COQ3: variants seen among roughly 807,000 people sequenced by gnomAD.
The protein encoded by COQ3 is coenzyme Q3, methyltransferase, also known as ubiquinone biosynthesis O-methyltransferase, mitochondrial.
Under a neutral mutation model 33.1 loss-of-function variants are expected in COQ3, and 29 were observed. That is an observed-to-expected ratio of 0.88 (90% CI 0.65 to 1.19). The LOEUF (loss-of-function observed/expected upper bound fraction) is 1.19, where lower values mean the gene tolerates loss of function less well. COQ3 is among the 50% of genes most tolerant of loss of function. The pLI, the probability that COQ3 is intolerant of heterozygous loss-of-function variation, is 0.00. For missense variants in COQ3, 437 were observed against 430.7 expected (o/e 1.01, Z -0.13); for synonymous variants, 173 against 157.8 (o/e 1.10, Z -0.72).
At chr6:99,385,525 T>A (rs1242910225) in intron 1 of COQ3, among the ~76,000 whole-genome samples, 2 of 152,134 alleles carry the variant, frequency 1.3e-5, no homozygotes, top group Admixed American at 1.3e-4. Flanking sequence ...AACAACACAC[T>A]TCTAAACAAT....
chr6:99,381,384 T>C (rs1307178314), intron 2 of COQ3, among the ~76,000 whole-genome samples: 2 of 152,208 alleles, frequency 1.3e-5, no homozygotes, highest in African/African-American at 4.8e-5. Flanking sequence ...TTCTGAATTA[T>C]TTAGTTCCCA....
intron 1 of COQ3, among the ~76,000 whole-genome samples, chr6:99,393,217 A>T (rs1192737519): frequency 6.6e-6 from 1 of 150,716 alleles, no homozygotes; most frequent in African/African-American, 2.4e-5. Flanking sequence ...GGCTCCTTCC[A>T]GGAAACAATG....
At chr6:99,370,505 C>T (rs550227097) in intron 6 of COQ3, among the ~76,000 whole-genome samples, 9 of 151,872 alleles carry the variant, frequency 5.9e-5, no homozygotes, top group Non-Finnish European at 1.3e-4. Flanking sequence ...TGCACCACCA[C>T]ACCCGGCTAA....
intron 3 of COQ3, among the ~76,000 whole-genome samples, chr6:99,378,506 G>A (rs1214875410): frequency 6.6e-6 from 1 of 152,070 alleles, no homozygotes; most frequent in Admixed American, 6.6e-5. Context: ...TATTATGTGT[G>A]ATCTCTAGTT....
Position 99,394,064 on chromosome 6 carries a change from A to G in COQ3, c.106+10T>C. On this transcript the variant is annotated intron_variant, in intron 1 of 6. Transcript: ENST00000254759. The stretch of plus-strand genomic sequence containing the variant: ...GACTGCATGCGAAGGACCTCCGCAC[A>G]CACACTCACCCGCCGAGGAAATTAA... 1 of 1,608,204 alleles carries G rather than the reference A, an allele frequency of 6.2e-7. No individual in the cohort carries two copies. Among genetic ancestry groups the G allele is most frequent in the East Asian group, 2.2e-5 (1 of 44,810 alleles).
At chr6:99,391,148 G>A (rs1774817310) in intron 1 of COQ3, among the ~76,000 whole-genome samples, 2 of 151,630 alleles carry the variant, frequency 1.3e-5, no homozygotes, top group African/African-American at 2.4e-5. Flanking sequence ...GCCCAGGCTG[G>A]AGTGCAGTGG....
intron 3 of COQ3, among the ~76,000 whole-genome samples, chr6:99,378,514 G>T (rs9494267): frequency 0.025 from 3,818 of 152,152 alleles, 185 homozygotes; most frequent in African/African-American, 0.088. Flanking sequence ...GTGATCTCTA[G>T]TTAAAGGTGT....
chr6:99,374,411 T>C (rs1262633339), intron 5 of COQ3, among the ~76,000 whole-genome samples: 1 of 152,076 alleles, frequency 6.6e-6, no homozygotes, highest in Non-Finnish European at 1.5e-5. Context: ...TGATGTGAGA[T>C]GTTAACCTAA....
At chr6:99,376,841 T>C (rs1774297331) in intron 4 of COQ3, among the ~76,000 whole-genome samples, 1 of 151,918 alleles carries the variant, frequency 6.6e-6, no homozygotes, top group African/African-American at 2.4e-5. Context: ...CGGCAGCCCG[T>C]AATCCCAGCT....
intron 5 of COQ3, 67 bp downstream of exon 5, chr6:99,375,873 T>C (rs1334542779): frequency 1.3e-6 from 2 of 1,565,524 alleles, no homozygotes; most frequent in African/African-American, 1.4e-5. Context: ...TGGACCATTT[T>C]ATTGCTATAG....
At position 99,376,075 on chromosome 6, in the gene COQ3, T is replaced by C. The variant is rs757133128; in HGVS notation, c.594A>G (p.Ile198Met). ...KSFDPVLDKR[I>M]EYRVCSLEEI... ...CTTCCAGGGAACACACTCTGTACTC[T>C]ATTCTCTTATCCAGGACTGGATCAA... The change falls in exon 5 of 7, where the codon ATA (isoleucine) becomes ATG (methionine). Residue 198 changes from isoleucine (I) to methionine (M), a missense_variant. By Grantham distance (10) the Ile-to-Met change is conservative. Transcript: ENST00000254759. The C allele has an allele frequency of 6.2e-7, 1 of 1,614,184 alleles. No individual in the cohort carries two copies. The highest frequency in any genetic ancestry group is 8.5e-7 in the Non-Finnish European group (1 of 1,180,012).
intron 1 of COQ3, among the ~76,000 whole-genome samples, chr6:99,390,533 C>T (rs1172098145): frequency 6.6e-6 from 1 of 152,044 alleles, no homozygotes; most frequent in East Asian, 1.9e-4. Flanking sequence ...CGGGTTTCAC[C>T]GTGTTAGCCA....
rs770081868 is a variant in COQ3 at position 99,394,127 on chromosome 6, A to C, written c.53T>G (p.Leu18Arg). The change falls in exon 1 of 7, where the codon CTG (leucine) becomes CGG (arginine). Residue 18 changes from leucine (L) to arginine (R), a missense_variant. Physicochemically the swap from Leu to Arg is moderately radical, Grantham distance 102. Transcript: ENST00000254759. ...TTTTGTATTACAGCCTCCAGGCCCC[A>C]GCACTCTTAAAAACCAACCCCCGGA... ...GSSGGWFLRV[L>R]GPGGCNTKAA... 224 of 1,611,970 alleles carry C rather than the reference A, an allele frequency of 1.4e-4. No individual in the cohort carries two copies. Among genetic ancestry groups the C allele is most frequent in the Non-Finnish European group, 1.8e-4 (212 of 1,179,048 alleles).
intron 3 of COQ3, among the ~76,000 whole-genome samples, chr6:99,377,727 T>C (rs1397744309): frequency 6.6e-6 from 1 of 152,130 alleles, no homozygotes; most frequent in African/African-American, 2.4e-5. Context: ...GTTTTAGTAA[T>C]AATATAAAGA....
At chr6:99,389,429 T>C (rs1455569170) in intron 1 of COQ3, among the ~76,000 whole-genome samples, 1 of 152,146 alleles carries the variant, frequency 6.6e-6, no homozygotes, top group Non-Finnish European at 1.5e-5. Flanking sequence ...CCAGCCTCTC[T>C]GTGCTATTTT....
At chr6:99,372,231 C>T (rs897265435) in intron 5 of COQ3, among the ~76,000 whole-genome samples, 2 of 152,006 alleles carry the variant, frequency 1.3e-5, no homozygotes, top group Non-Finnish European at 2.9e-5. Context: ...TGGCGAAACC[C>T]CCGTCTCTAC....
At chr6:99,385,349 A>G (rs1774595072) in intron 1 of COQ3, among the ~76,000 whole-genome samples, 1 of 152,188 alleles carries the variant, frequency 6.6e-6, no homozygotes, top group African/African-American at 2.4e-5. Context: ...CAAAATATAC[A>G]TTCTTTCAAG....
In COQ3 at chr6:99,383,836, A is replaced by AC. The variant is rs1562207706; in HGVS notation, c.107-13_107-12insG. On this transcript the variant is annotated splice_polypyrimidine_tract_variant and intron_variant, in intron 1 of 6. Transcript: ENST00000254759. ...GTTCTTCACATAAACTGAAAAAAAA[A>AC]ATTAAATATCTAGAGAAAAGCTTTG... 6.4e-7 allele frequency: 1 copy of AC among 1,561,634 alleles called. No homozygotes were observed. The highest frequency in any genetic ancestry group is 2.3e-5 in the East Asian group (1 of 43,534).
Position 99,376,085 on chromosome 6 carries a change from T to A in COQ3, c.584A>T (p.Asp195Val), listed in dbSNP as rs200286900. 1 of 1,614,140 alleles carries A rather than the reference T, an allele frequency of 6.2e-7. No homozygotes were observed. The highest frequency in any genetic ancestry group is 8.5e-7 in the Non-Finnish European group (1 of 1,179,994). ...QCHKSFDPVLDKRIEYRVCSL... is the reference protein window; with the variant it reads ...QCHKSFDPVLVKRIEYRVCSL... ...ACACACTCTGTACTCTATTCTCTTA[T>A]CCAGGACTGGATCAAATGATTTATG... is the stretch of plus-strand genomic sequence containing the variant. The change falls in exon 5 of 7, where the codon GAT becomes GTT. Residue 195 changes from aspartate (D) to valine (V), a missense_variant. Transcript: ENST00000254759.
Sources: gnomAD v4.1 joint callset for allele counts (sites outside exome capture counted in the v4.1 genomes callset) on GRCh38, gnomAD v4.1.1 for gene constraint, MANE v1.5 for transcripts, NCBI Gene and HGNC (gene_info 2026-07-23, HGNC 2026-07-21) for gene names.